The following TMTC2 variants were observed in gnomAD, a reference collection of about 807,000 sequenced individuals.
The protein encoded by TMTC2 is protein O-mannosyl-transferase TMTC2.
A neutral mutation model predicts 82.4 loss-of-function variants in TMTC2; 43 were observed. The ratio of observed to expected loss-of-function variants is 0.52; its 90% CI spans 0.41 to 0.67. TMTC2 has a LOEUF of 0.67. Among genes scored for constraint, TMTC2 ranks in the 30% least tolerant of loss-of-function variants. The pLI is 0.00. For missense variants in TMTC2, 919 were observed against 1,012.4 expected (o/e 0.91, Z 1.25); for synonymous variants, 408 against 381.9 (o/e 1.07, Z -0.80).
At chr12:82,767,674 T>G (rs1163092651) in intron 1 of TMTC2, among the ~76,000 whole-genome samples, 2 of 152,246 alleles carry the variant, frequency 1.3e-5, no homozygotes, top group African/African-American at 4.8e-5. Flanking sequence ...TTTCTCATCT[T>G]TCTACTCCAT....
At chr12:83,063,409 G>A (rs1882811895) in intron 11 of TMTC2, among the ~76,000 whole-genome samples, 1 of 151,704 alleles carries the variant, frequency 6.6e-6, no homozygotes, top group African/African-American at 2.4e-5. Context: ...TAGGCAGTTT[G>A]CAACAGAAGA....
intron 3 of TMTC2, among the ~76,000 whole-genome samples, chr12:82,901,368 G>A (rs1874012661): frequency 1.4e-5 from 2 of 145,458 alleles, no homozygotes; most frequent in Non-Finnish European, 3.0e-5. Context: ...GCAGTGGTGC[G>A]ATCTTGGCTC....
At chr12:82,828,578 A>G (rs1869567481) in intron 1 of TMTC2, among the ~76,000 whole-genome samples, 1 of 152,164 alleles carries the variant, frequency 6.6e-6, no homozygotes, top group Non-Finnish European at 1.5e-5. Context: ...TAAAATAGTC[A>G]AATAGTTAAG....
chr12:83,117,671 G>GT (rs1884807333), intron 11 of TMTC2, among the ~76,000 whole-genome samples: 1 of 152,110 alleles, frequency 6.6e-6, no homozygotes, highest in South Asian at 2.1e-4. Flanking sequence ...TTTTAGATTT[G>GT]TTTTTTCTAA....
chr12:82,944,512 G>A (rs1417694363), intron 4 of TMTC2, among the ~76,000 whole-genome samples: 4 of 149,856 alleles, frequency 2.7e-5, no homozygotes, highest in East Asian at 3.9e-4. Flanking sequence ...GGGAGATGGC[G>A]CTTGCAGTGA....
chr12:83,071,359 G>A (rs531951158), intron 11 of TMTC2, among the ~76,000 whole-genome samples: 1 of 151,930 alleles, frequency 6.6e-6, no homozygotes, highest in African/African-American at 2.4e-5. Flanking sequence ...GGGTTTCACT[G>A]TTTTAGCCAG....
At chr12:83,029,851 T>A (rs1881353098) in intron 8 of TMTC2, among the ~76,000 whole-genome samples, 1 of 152,232 alleles carries the variant, frequency 6.6e-6, no homozygotes, top group Admixed American at 6.5e-5. Context: ...AATCAATTTG[T>A]TGTATGTAAA....
chr12:82,926,484 G>A (rs1380004128), intron 3 of TMTC2, among the ~76,000 whole-genome samples: 1 of 152,214 alleles, frequency 6.6e-6, no homozygotes. Flanking sequence ...AACATATTAA[G>A]TACAGGGTGA....
At position 82,971,810 on chromosome 12, in the gene TMTC2, CA is replaced by C. The variant is rs5799603; in HGVS notation, c.1948+4827del. Among the ~76,000 whole-genome samples the C allele has an allele frequency of 7.6e-3, 1,110 of 145,476 alleles. 22 individuals are homozygous for C. Among genetic ancestry groups the C allele is most frequent in the African/African-American group, 0.026 (1,035 of 39,818 alleles). ...AACTGTTTAGAATAACCTCTGTATGCAAAAAAAAAAAAAATTAAGTCATAAG... is the reference window on the plus strand; with the variant it reads ...AACTGTTTAGAATAACCTCTGTATGCAAAAAAAAAAAAATTAAGTCATAAG... On this transcript the variant is annotated intron_variant, in intron 7 of 11. Coordinates refer to ENST00000321196, the MANE Select transcript of TMTC2 (RefSeq NM_152588.3).
rs549361594 is a variant in TMTC2, at chr12:82,966,244, T to G, written c.1869+500T>G. Among the ~76,000 whole-genome samples the G allele has an allele frequency of 1.3e-3, 194 of 152,266 alleles. 1 individual carries two copies. Among genetic ancestry groups the G allele is most frequent in the Admixed American group, 7.0e-3 (107 of 15,286 alleles). On this transcript the variant is annotated intron_variant, in intron 6 of 11. Transcript: ENST00000321196. ...TATTATGAAATAAAATGTAATTTTA[T>G]TATTTCTTAACTGAGGGAAAAGAAA...
At chr12:83,126,921 C>A (rs1040460818) in intron 11 of TMTC2, among the ~76,000 whole-genome samples, 1 of 151,914 alleles carries the variant, frequency 6.6e-6, no homozygotes, top group African/African-American at 2.4e-5. Context: ...TGCATAAATG[C>A]CTTTTCATTA....
At chr12:83,033,810 A>ATG (rs71977642) in intron 9 of TMTC2, among the ~76,000 whole-genome samples, 206 of 147,686 alleles carry the variant, frequency 1.4e-3, no homozygotes, top group African/African-American at 3.1e-3. Context: ...ATACACATAT[A>ATG]TGTGTGTGTG....
chr12:83,045,267 C>A (rs1314458324), intron 9 of TMTC2, among the ~76,000 whole-genome samples: 1 of 152,110 alleles, frequency 6.6e-6, no homozygotes, highest in South Asian at 2.1e-4. Flanking sequence ...AAAATAATTT[C>A]TCATCTCATT....
chr12:82,704,502 G>A (rs1297628892), intron 1 of TMTC2, among the ~76,000 whole-genome samples: 1 of 152,038 alleles, frequency 6.6e-6, no homozygotes, highest in Admixed American at 6.6e-5. Context: ...TAAGCTATTT[G>A]TGTGTTTTGA....
At chr12:82,899,574 A>AATAT (rs529528999) in intron 3 of TMTC2, among the ~76,000 whole-genome samples, 1 of 126,178 alleles carries the variant, frequency 7.9e-6, no homozygotes, top group African/African-American at 3.2e-5. Flanking sequence ...ATATATGTGG[A>AATAT]ATATATATAT....
intron 1 of TMTC2, among the ~76,000 whole-genome samples, chr12:82,750,720 T>C (rs924165595): frequency 1.3e-5 from 2 of 152,146 alleles, no homozygotes; most frequent in Non-Finnish European, 2.9e-5. Flanking sequence ...TTTATAGGTA[T>C]TATTTTTCTA....
intron 3 of TMTC2, among the ~76,000 whole-genome samples, chr12:82,915,451 C>T (rs530587931): frequency 3.3e-5 from 5 of 152,118 alleles, no homozygotes; most frequent in East Asian, 3.9e-4. Context: ...AGTACTACAA[C>T]GTAGATTTCG....
intron 11 of TMTC2, among the ~76,000 whole-genome samples, chr12:83,075,399 T>A (rs1883254101): frequency 6.6e-6 from 1 of 152,176 alleles, no homozygotes; most frequent in Admixed American, 6.5e-5. Context: ...TCCATGATGA[T>A]CTCTTGTCCA....
chr12:83,061,800 A>C lies in TMTC2; in HGVS notation c.2300A>C (p.Tyr767Ser), dbSNP rs764013925. 3.8e-6 allele frequency: 6 copies of C among 1,597,658 alleles called. No homozygotes were observed. Among genetic ancestry groups the C allele is most frequent in the Non-Finnish European group, 4.3e-6 (5 of 1,172,508 alleles). Residue 767 changes from tyrosine to serine, a missense_variant, in exon 11 of 12, where the codon TAT becomes TCT. Coordinates refer to ENST00000321196, the MANE Select transcript of TMTC2 (RefSeq NM_152588.3). ...QASLNEAAEK[Y>S]YDLAARLRPN... is the part of the protein sequence containing the mutation. ...AGCCTCAATGAAGCAGCTGAGAAGTATTATGATCTGGCAGCCAGGCTGAGG... is the reference window on the plus strand; with the variant it reads ...AGCCTCAATGAAGCAGCTGAGAAGTCTTATGATCTGGCAGCCAGGCTGAGG...
Sources: allele counts gnomAD v4.1 joint callset (sites outside exome capture counted in the v4.1 genomes callset), GRCh38; gene constraint gnomAD v4.1.1; transcripts MANE v1.5; gene names NCBI Gene and HGNC (gene_info 2026-07-23, HGNC 2026-07-21).